CHD1L: variants seen among roughly 807,000 people sequenced by gnomAD.
CHD1L encodes ATP-dependent chromatin remodeler CHD1L.
A neutral mutation model predicts 115.9 loss-of-function variants in CHD1L; 118 were observed. The observed-to-expected ratio is 1.02, with a 90% CI of 0.88 to 1.19. The LOEUF (loss-of-function observed/expected upper bound fraction) is 1.19. CHD1L is among the 50% of genes most tolerant of loss of function. CHD1L has a pLI of 0.00. For missense variants in CHD1L, 1,179 were observed against 1,065.3 expected, an observed-to-expected ratio of 1.11 and a Z score of -1.49; for synonymous variants, 411 against 387.1, an observed-to-expected ratio of 1.06 and a Z score of -0.72.
At chr1:147,203,870 A>G in the CHD1L span, 7 of 1,581,694 alleles carry the variant, frequency 4.4e-6, no homozygotes, top group African/African-American at 4.0e-5. Context: ...AGTATCTCCA[A>G]CTTCTGAGAG....
At chr1:147,281,965 TCTC>T in intron 15 of CHD1L, among the ~76,000 whole-genome samples, 1 of 152,322 alleles carries the variant, frequency 6.6e-6, no homozygotes, top group Admixed American at 6.5e-5. Flanking sequence ...TAACGTCCAC[TCTC>T]CTAGTATTTC....
chr1:147,196,986 C>T, the CHD1L span, among the ~76,000 whole-genome samples: 23 of 152,158 alleles, frequency 1.5e-4, no homozygotes, highest in Non-Finnish European at 3.4e-4. Context: ...CCATTTCACT[C>T]CTCTCTAACA....
At chr1:147,200,003 T>A in the CHD1L span, among the ~76,000 whole-genome samples, 1 of 152,112 alleles carries the variant, frequency 6.6e-6, no homozygotes, top group Non-Finnish European at 1.5e-5. Flanking sequence ...TTAAACATCA[T>A]CTTGTTTCTC....
At chr1:147,179,144 G>A in the CHD1L span, 50,711 of 1,614,028 alleles carry the variant, frequency 0.031, 1,168 homozygotes, top group South Asian at 0.09. Flanking sequence ...GATTTCTCGC[G>A]TGATGGGAAT....
intron 12 of CHD1L, 23 bp downstream of exon 12, chr1:147,272,304 G>A (rs1676553776): frequency 6.7e-7 from 1 of 1,497,022 alleles, no homozygotes; most frequent in Non-Finnish European, 9.3e-7. Context: ...GGCATTGATG[G>A]AAACAGACAA....
chr1:147,262,887 C>T (rs782043755), intron 6 of CHD1L, among the ~76,000 whole-genome samples: 1 of 152,104 alleles, frequency 6.6e-6, no homozygotes, highest in Non-Finnish European at 1.5e-5. Context: ...CCTACTCCTA[C>T]ATTAACACTT....
chr1:147,190,750 G>A, the CHD1L span, among the ~76,000 whole-genome samples: 11 of 151,864 alleles, frequency 7.2e-5, no homozygotes, highest in African/African-American at 1.9e-4. Flanking sequence ...TGTTACATAC[G>A]TATACATGTG....
the CHD1L span, chr1:147,190,221 T>A: frequency 1.2e-6 from 2 of 1,611,820 alleles, no homozygotes; most frequent in Non-Finnish European, 1.7e-6. Context: ...CTGCCATCAT[T>A]TCACTCTGTG....
chr1:147,178,605 C>T, the CHD1L span: 1 of 1,598,818 alleles, frequency 6.3e-7, no homozygotes, highest in African/African-American at 1.3e-5. Flanking sequence ...ATGATTCATT[C>T]AGTGAAGCTC....
chr1:147,249,583 T>G (rs1667760214), intron 1 of CHD1L, among the ~76,000 whole-genome samples: 1 of 152,028 alleles, frequency 6.6e-6, no homozygotes, highest in Non-Finnish European at 1.5e-5. Context: ...TTTTTGTATT[T>G]TTAGTAGAGA....
the CHD1L span, chr1:147,203,517 A>T: frequency 2.3e-6 from 2 of 884,042 alleles, no homozygotes; most frequent in South Asian, 2.6e-5. Context: ...GAGGTACTGC[A>T]TAAAGTTTAG....
chr1:147,264,931 T>C (rs587625434), intron 7 of CHD1L, among the ~76,000 whole-genome samples: 1 of 152,328 alleles, frequency 6.6e-6, no homozygotes, highest in East Asian at 1.9e-4. Flanking sequence ...GAGAAAAGAA[T>C]GTGGGTGCTG....
chr1:147,179,679 A>G, the CHD1L span: 1 of 1,022,558 alleles, frequency 9.8e-7, no homozygotes, highest in East Asian at 2.4e-5. Context: ...AGAGATGGGA[A>G]AACCACTGGG....
chr1:147,225,089 C>A, the CHD1L span: 1 of 1,610,586 alleles, frequency 6.2e-7, no homozygotes, highest in Non-Finnish European at 8.5e-7. Context: ...TGACAAAAGA[C>A]AAAAAGCACA....
chr1:147,268,734 T>C, intron 9 of CHD1L, 48 bp from the exon 10 acceptor site: 1 of 1,490,398 alleles, frequency 6.7e-7, no homozygotes, highest in South Asian at 1.1e-5. Flanking sequence ...TACTGGCTTC[T>C]GCCCTTACTG....
At chr1:147,178,368 C>T in the CHD1L span, 1 of 1,611,656 alleles carries the variant, frequency 6.2e-7, no homozygotes, top group Non-Finnish European at 8.5e-7. Context: ...AGGCTGATTG[C>T]ACTGCCAACA....
At chr1:147,214,087 C>T in the CHD1L span, among the ~76,000 whole-genome samples, 16 of 152,236 alleles carry the variant, frequency 1.1e-4, 2 homozygotes, top group South Asian at 1.2e-3. Flanking sequence ...ATATGGGTTA[C>T]CCTACTTAGG....
chr1:147,179,062 G>C, the CHD1L span: 2 of 1,613,716 alleles, frequency 1.2e-6, no homozygotes. Context: ...TTTTGGCTTG[G>C]AGAGCACTGC....
the CHD1L span, chr1:147,208,700 G>A: frequency 0.078 from 46,240 of 594,404 alleles, 2,249 homozygotes; most frequent in African/African-American, 0.15. Context: ...CCGCCTCCCA[G>A]AGTGCTGGGA....
Sources: gnomAD v4.1 joint callset for allele counts (sites outside exome capture counted in the v4.1 genomes callset) on GRCh38, gnomAD v4.1.1 for gene constraint, MANE v1.5 for transcripts, NCBI Gene and HGNC (gene_info 2026-07-23, HGNC 2026-07-21) for gene names.